OTC: variants seen among roughly 807,000 people sequenced by gnomAD.
OTC encodes the protein ornithine transcarbamylase, mitochondrial.
Under a neutral mutation model 30.3 loss-of-function variants are expected in OTC, and 3 were observed. That is an observed-to-expected ratio of 0.10 (90% CI 0.05 to 0.26). OTC has a LOEUF of 0.26. Among genes scored for constraint, OTC ranks in the 10% least tolerant of loss-of-function variants. OTC has a pLI of 1.00. For synonymous variants in OTC, 111 were observed against 99.7 expected (o/e 1.11, Z -0.67); for missense variants, 194 against 260.3 (o/e 0.75, Z 1.75).
At chrX:38,346,093 C>T in the OTC span, among the ~76,000 whole-genome samples, 146 of 110,726 alleles carry the variant, frequency 1.3e-3, no homozygotes, top group Admixed American at 2.5e-3. Context: ...TGCATTCTAG[C>T]ATGGGTGACA....
At chrX:38,405,376 T>C (rs1278874334) in intron 6 of OTC, among the ~76,000 whole-genome samples, 1 of 111,562 alleles carries the variant, frequency 9.0e-6, no homozygotes, top group Non-Finnish European at 1.9e-5. Context: ...CTCGGAAGCC[T>C]CTCAGGGAGG....
intron 3 of OTC, among the ~76,000 whole-genome samples, chrX:38,376,280 C>T (rs1298729542): frequency 9.0e-6 from 1 of 111,662 alleles, no homozygotes; most frequent in African/African-American, 3.3e-5. Context: ...GAAATTAGGA[C>T]AAAGAGAAAT....
intron 4 of OTC, among the ~76,000 whole-genome samples, chrX:38,384,273 A>G (rs926818182): frequency 2.7e-5 from 3 of 112,114 alleles, no homozygotes; most frequent in Admixed American, 9.5e-5. Context: ...GGGCACAAAG[A>G]GAACAAGCAT....
intron 3 of OTC, among the ~76,000 whole-genome samples, chrX:38,375,728 A>C (rs1158880399): frequency 8.9e-6 from 1 of 112,012 alleles, no homozygotes; most frequent in African/African-American, 3.2e-5. Flanking sequence ...ATGTTAAAAA[A>C]AAGCAGTTGC....
intron 1 of OTC, among the ~76,000 whole-genome samples, chrX:38,361,990 A>G: frequency 9.0e-6 from 1 of 111,430 alleles, no homozygotes; most frequent in Non-Finnish European, 1.9e-5. Flanking sequence ...TAAAAAAAAA[A>G]CAGTTTTGGA....
At chrX:38,348,136 G>A (rs1293378345), upstream of OTC, among the ~76,000 whole-genome samples, 1 of 111,562 alleles carries the variant, frequency 9.0e-6, no homozygotes, top group African/African-American at 3.3e-5. Context: ...TTCATGATAG[G>A]CGAATTCTAA....
At chrX:38,394,900 G>T (rs935573793) in intron 4 of OTC, among the ~76,000 whole-genome samples, 32 of 109,227 alleles carry the variant, frequency 2.9e-4, no homozygotes, top group Non-Finnish European at 4.6e-4. Context: ...TTCTGGGGGG[G>T]GGCAGGGCAG....
chrX:38,359,920 T>C (rs1350753033), intron 1 of OTC, among the ~76,000 whole-genome samples: 1 of 105,085 alleles, frequency 9.5e-6, no homozygotes, highest in Non-Finnish European at 2.0e-5. Context: ...CTTTCTTTTT[T>C]TTTTTTTTGT....
At chrX:38,405,079 C>T (rs928739261) in intron 6 of OTC, among the ~76,000 whole-genome samples, 15 of 111,052 alleles carry the variant, frequency 1.4e-4, no homozygotes, top group African/African-American at 3.6e-4. Context: ...ACAAACTGCA[C>T]GCACTAGGTG....
At chrX:38,346,545 ACAACT>A in the OTC span, among the ~76,000 whole-genome samples, 3 of 112,683 alleles carry the variant, frequency 2.7e-5, no homozygotes, top group African/African-American at 9.7e-5. Flanking sequence ...CAAGCGGGAA[ACAACT>A]CAATTGTCCT....
chrX:38,363,446 C>T (rs186801260), intron 1 of OTC, among the ~76,000 whole-genome samples: 6 of 111,572 alleles, frequency 5.4e-5, no homozygotes, highest in South Asian at 3.8e-4. Context: ...ATTAAGCTGC[C>T]GTGCCTTCAT....
At chrX:38,379,053 A>G (rs534018436) in intron 3 of OTC, among the ~76,000 whole-genome samples, 1 of 111,620 alleles carries the variant, frequency 9.0e-6, no homozygotes, top group Admixed American at 9.5e-5. Flanking sequence ...GGAGAGGTGG[A>G]CAGTCAAACA....
chrX:38,355,995 C>T (rs777058774), intron 1 of OTC, among the ~76,000 whole-genome samples: 6 of 103,932 alleles, frequency 5.8e-5, no homozygotes, highest in African/African-American at 2.2e-4. Context: ...TTGCAGTGAG[C>T]CGAGATCGCG....
chrX:38,362,832 T>C (rs1055624304), intron 1 of OTC, among the ~76,000 whole-genome samples: 1 of 112,051 alleles, frequency 8.9e-6, no homozygotes, highest in Non-Finnish European at 1.9e-5. Context: ...AGGTAAGGTA[T>C]TGTTGGTCCT....
chrX:38,355,293 T>A (rs1285971288), intron 1 of OTC, among the ~76,000 whole-genome samples: 1 of 111,582 alleles, frequency 9.0e-6, no homozygotes, highest in East Asian at 2.8e-4. Context: ...AGGCTTTCCA[T>A]GTCATAAACA....
At chrX:38,401,489 G>C in intron 5 of OTC, 61 bp downstream of exon 5, 2 of 922,778 alleles carry the variant, frequency 2.2e-6, no homozygotes, top group Non-Finnish European at 3.2e-6. Flanking sequence ...CTTGCTTTAA[G>C]TGAAACAGTT....
chrX:38,342,833 C>G, the OTC span, among the ~76,000 whole-genome samples: 1 of 112,011 alleles, frequency 8.9e-6, no homozygotes, highest in Non-Finnish European at 1.9e-5. Context: ...CTTCCAGACC[C>G]TAAATAGGTC....
chrX:38,404,658 C>T (rs1181271909), intron 6 of OTC, among the ~76,000 whole-genome samples: 3 of 111,605 alleles, frequency 2.7e-5, no homozygotes, highest in East Asian at 2.8e-4. Context: ...GGCACACCAC[C>T]GTGGGGATTT....
chrX:38,353,835 T>G (rs763927791), intron 1 of OTC, among the ~76,000 whole-genome samples: 14 of 112,029 alleles, frequency 1.2e-4, no homozygotes, highest in Non-Finnish European at 2.6e-4. Context: ...GAAATGTGAT[T>G]TTTATTTCTT....
Sources: allele counts gnomAD v4.1 joint callset (sites outside exome capture counted in the v4.1 genomes callset), GRCh38; gene constraint gnomAD v4.1.1; transcripts MANE v1.5; gene names NCBI Gene and HGNC (gene_info 2026-07-23, HGNC 2026-07-21).